DLGAP2: variants seen among roughly 807,000 people sequenced by gnomAD.
DLGAP2 encodes disks large-associated protein 2.
In DLGAP2, 26 loss-of-function variants were observed where a neutral mutation model predicts 100.3. That is an observed-to-expected ratio of 0.26 (90% confidence interval 0.19 to 0.36). The LOEUF (loss-of-function observed/expected upper bound fraction) is 0.36, where lower values mean the gene tolerates loss of function less well. Among genes scored for constraint, DLGAP2 ranks in the 10% least tolerant of loss-of-function variants. The probability of loss-of-function intolerance (pLI) is 1.00; values close to 1 mark genes in which losing one functional copy is unlikely to be tolerated. For missense variants in DLGAP2, 1,858 were observed against 1,453.2 expected, an observed-to-expected ratio of 1.28 and a Z score of -4.53; for synonymous variants, 886 against 630.1, an observed-to-expected ratio of 1.41 and a Z score of -6.08.
chr8:1,678,355 C>T lies in DLGAP2; in HGVS notation c.2430C>T (p.Ser810=). The change falls in exon 12 of 15, where the codon AGC becomes AGT. Residue 810 remains serine (S), a synonymous_variant. Transcript: ENST00000637795. ...GSSFQRHSEP[S]TPTQYSAVRT... The stretch of plus-strand genomic sequence containing the variant: ...CCTTCCAGCGGCACTCCGAGCCCAG[C>T]ACCCCCACCCAGTACAGCGCGGTGA... 1 of 1,613,910 alleles carries T rather than the reference C, an allele frequency of 6.2e-7. No homozygotes were observed. Among genetic ancestry groups the T allele is most frequent in the African/African-American group, 1.3e-5 (1 of 75,062 alleles).
At chr8:882,888 C>T (rs1238014966) in intron 1 of DLGAP2, among the ~76,000 whole-genome samples, 1 of 152,250 alleles carries the variant, frequency 6.6e-6, no homozygotes, top group Non-Finnish European at 1.5e-5. Context: ...CACGCTGCGA[C>T]GTTGTTTTGT....
chr8:1,248,296 C>T (rs200435762), intron 2 of DLGAP2, among the ~76,000 whole-genome samples: 1 of 87,458 alleles, frequency 1.1e-5, no homozygotes. Context: ...CCTTTGAGAT[C>T]AGTGTGGGAG....
chr8:1,651,483 C>T (rs1049201019), intron 8 of DLGAP2, among the ~76,000 whole-genome samples: 3 of 152,214 alleles, frequency 2.0e-5, no homozygotes, highest in Non-Finnish European at 4.4e-5. Flanking sequence ...TGGCATACAA[C>T]ATAGGCTGAG....
At chr8:1,092,782 G>A (rs1434530940) in intron 2 of DLGAP2, among the ~76,000 whole-genome samples, 2 of 152,130 alleles carry the variant, frequency 1.3e-5, no homozygotes, top group Non-Finnish European at 2.9e-5. Context: ...AGATGGTGTG[G>A]GGGACCCTCC....
chr8:1,199,880 A>T (rs1201010775), intron 2 of DLGAP2, among the ~76,000 whole-genome samples: 2 of 151,898 alleles, frequency 1.3e-5, no homozygotes, highest in Non-Finnish European at 2.9e-5. Flanking sequence ...CTGGGTGGAG[A>T]GTGTGATCTC....
At chr8:1,638,246 A>T (rs1461004026) in intron 8 of DLGAP2, among the ~76,000 whole-genome samples, 1 of 152,074 alleles carries the variant, frequency 6.6e-6, no homozygotes, top group African/African-American at 2.4e-5. Flanking sequence ...TTTCAGACAG[A>T]CCCTTCGAAG....
At chr8:869,886 G>T (rs892178365) in intron 1 of DLGAP2, among the ~76,000 whole-genome samples, 1 of 152,106 alleles carries the variant, frequency 6.6e-6, no homozygotes, top group Non-Finnish European at 1.5e-5. Flanking sequence ...CACATTCTGA[G>T]CAGCGGGACT....
chr8:1,623,280 C>G (rs1797394436), intron 6 of DLGAP2, among the ~76,000 whole-genome samples: 1 of 152,112 alleles, frequency 6.6e-6, no homozygotes, highest in Non-Finnish European at 1.5e-5. Flanking sequence ...GGAGTGCTGC[C>G]CCCATCCCGC....
At chr8:750,696 C>A (rs1203446558) in intron 1 of DLGAP2, among the ~76,000 whole-genome samples, 2 of 152,242 alleles carry the variant, frequency 1.3e-5, no homozygotes, top group Non-Finnish European at 2.9e-5. Context: ...CTCCGCCCTC[C>A]CCTGCACAGG....
chr8:1,317,133 C>A (rs1189963223), intron 3 of DLGAP2, among the ~76,000 whole-genome samples: 1 of 135,398 alleles, frequency 7.4e-6, no homozygotes, highest in Admixed American at 7.8e-5. Flanking sequence ...GTCTCTCCAA[C>A]AGTGGTCTAC....
At chr8:1,252,289 C>T (rs1799062380) in intron 2 of DLGAP2, among the ~76,000 whole-genome samples, 1 of 148,808 alleles carries the variant, frequency 6.7e-6, no homozygotes, top group Admixed American at 6.7e-5. Context: ...ACACTTGTCA[C>T]AATGTGGTGT....
At chr8:1,090,462 C>T (rs185555243) in intron 2 of DLGAP2, among the ~76,000 whole-genome samples, 84 of 152,382 alleles carry the variant, frequency 5.5e-4, no homozygotes, top group Admixed American at 2.0e-3. Flanking sequence ...CTTTTGACCA[C>T]GACAGGGTTC....
intron 2 of DLGAP2, among the ~76,000 whole-genome samples, chr8:1,082,277 C>G (rs372057546): frequency 3.9e-5 from 6 of 152,074 alleles, no homozygotes; most frequent in African/African-American, 7.2e-5. Context: ...GAAATTTTTG[C>G]AAAAACAGGA....
chr8:1,328,429 C>T (rs1801072742), intron 3 of DLGAP2, among the ~76,000 whole-genome samples: 2 of 152,204 alleles, frequency 1.3e-5, no homozygotes, highest in African/African-American at 2.4e-5. Context: ...GGCTATTCTC[C>T]TGCCTCAGCC....
intron 12 of DLGAP2, among the ~76,000 whole-genome samples, chr8:1,683,118 C>T (rs576863546): frequency 1.3e-5 from 2 of 151,524 alleles, no homozygotes; most frequent in East Asian, 1.9e-4. Flanking sequence ...TGGGAGAAGA[C>T]CAGGTACAGG....
At chr8:1,412,267 C>T (rs1433909228) in intron 3 of DLGAP2, among the ~76,000 whole-genome samples, 1 of 152,208 alleles carries the variant, frequency 6.6e-6, no homozygotes, top group Non-Finnish European at 1.5e-5. Context: ...CTAGACTCTG[C>T]AGCCTGCTTG....
intron 1 of DLGAP2, among the ~76,000 whole-genome samples, chr8:809,917 C>G (rs768277333): frequency 4.6e-5 from 7 of 152,218 alleles, no homozygotes; most frequent in African/African-American, 9.6e-5. Context: ...ATGGTGTGCT[C>G]TGGTGCTAAT....
intron 6 of DLGAP2, among the ~76,000 whole-genome samples, chr8:1,602,506 G>A (rs1252149535): frequency 6.6e-6 from 1 of 152,218 alleles, no homozygotes; most frequent in Non-Finnish European, 1.5e-5. Flanking sequence ...AGGGCTGGAG[G>A]CCCGAATCCA....
chr8:1,104,511 G>C (rs182029119), intron 2 of DLGAP2, among the ~76,000 whole-genome samples: 2 of 152,354 alleles, frequency 1.3e-5, no homozygotes, highest in African/African-American at 4.8e-5. Context: ...AGCATCTTCA[G>C]AGGGACTTGA....
Sources: gnomAD v4.1 joint callset for allele counts (sites outside exome capture counted in the v4.1 genomes callset) on GRCh38, gnomAD v4.1.1 for gene constraint, MANE v1.5 for transcripts, NCBI Gene and HGNC (gene_info 2026-07-23, HGNC 2026-07-21) for gene names.